Variants in SUSD4 observed in about 807,000 individuals in gnomAD.
SUSD4 encodes the protein sushi domain-containing protein 4.
A neutral mutation model predicts 50.5 loss-of-function variants in SUSD4; 41 were observed. That is an observed-to-expected ratio of 0.81 (90% CI 0.63 to 1.05). The LOEUF (loss-of-function observed/expected upper bound fraction) is 1.05, where lower values mean the gene tolerates loss of function less well. Ranked by LOEUF, SUSD4 falls within the 50% of genes least tolerant of loss-of-function variation. The pLI is 0.00. For missense variants in SUSD4, 580 were observed against 634.7 expected, an observed-to-expected ratio of 0.91 and a Z score of 0.93; for synonymous variants, 257 against 257.3, an observed-to-expected ratio of 1.00 and a Z score of 0.01.
At chr1:223,276,988 TA>T (rs1401257185) in intron 3 of SUSD4, among the ~76,000 whole-genome samples, 5 of 152,194 alleles carry the variant, frequency 3.3e-5, no homozygotes, top group Non-Finnish European at 7.4e-5. Context: ...ACAGCTCACT[TA>T]ACATATAAGT....
At chr1:223,292,187 G>A (rs1267487478) in intron 3 of SUSD4, among the ~76,000 whole-genome samples, 1 of 152,178 alleles carries the variant, frequency 6.6e-6, no homozygotes, top group Non-Finnish European at 1.5e-5. Context: ...TTGCTCTCCT[G>A]CATTGACAAA....
chr1:223,355,755 T>C (rs565110782), intron 2 of SUSD4, among the ~76,000 whole-genome samples: 1 of 152,316 alleles, frequency 6.6e-6, no homozygotes, highest in South Asian at 2.1e-4. Flanking sequence ...ATAACCGGGT[T>C]ACACCTTCAT....
At position 223,229,412 on chromosome 1, in the gene SUSD4, A is replaced by T. The variant is rs1422128040; in HGVS notation, c.725-24T>A. The T allele has an allele frequency of 6.4e-7, 1 of 1,566,638 alleles. No individual in the cohort carries two copies. Among genetic ancestry groups the T allele is most frequent in the East Asian group, 2.3e-5 (1 of 43,788 alleles). ...GACTTGGGCAGTAGGGGAGAATAAA[A>T]GTTTCAGAACCACAAGCTCACCTTT... On this transcript the variant is annotated intron_variant, in intron 5 of 8. Coordinates refer to ENST00000366878, the MANE Select transcript of SUSD4 (RefSeq NM_017982.4). The surrounding 1 kb of genome is among the most constrained non-coding windows in gnomAD (Gnocchi z 4.7).
chr1:223,359,873 A>G (rs1055643125), intron 2 of SUSD4, among the ~76,000 whole-genome samples: 6 of 152,220 alleles, frequency 3.9e-5, no homozygotes, highest in Non-Finnish European at 8.8e-5. Context: ...TTTAGGAAAA[A>G]AATGAGTAAG....
intron 3 of SUSD4, among the ~76,000 whole-genome samples, chr1:223,276,185 G>A (rs1663254916): frequency 6.6e-6 from 1 of 152,210 alleles, no homozygotes; most frequent in African/African-American, 2.4e-5. Context: ...CTGCTTTCTG[G>A]GGAAATCCCC....
intron 3 of SUSD4, among the ~76,000 whole-genome samples, chr1:223,291,217 G>C (rs1664466438): frequency 6.6e-6 from 1 of 152,076 alleles, no homozygotes; most frequent in South Asian, 2.1e-4. Context: ...TCACGGCCGG[G>C]TGCCGTGGCT....
At chr1:223,269,786 T>C (rs1388621752) in intron 3 of SUSD4, among the ~76,000 whole-genome samples, 6 of 150,688 alleles carry the variant, frequency 4.0e-5, no homozygotes, top group Non-Finnish European at 5.9e-5. Flanking sequence ...TAAAAGATTG[T>C]AGGTCTCTTA....
rs188271168 is a variant in SUSD4 at position 223,253,283 on chromosome 1, A to G, written c.724+11347T>C. Reference sequence around the variant, plus strand: ...GAGGATGTGGGCACAGTTCGGAGTCAGGCATTATCTTTTTACAGAACGCAA... The same window carrying G: ...GAGGATGTGGGCACAGTTCGGAGTCGGGCATTATCTTTTTACAGAACGCAA... On this transcript the variant is annotated intron_variant, in intron 5 of 8. Transcript: ENST00000366878. 3.6e-3 allele frequency among the ~76,000 whole-genome samples: 552 copies of G among 152,098 alleles called. 3 individuals are homozygous for G. The highest frequency in any genetic ancestry group is 6.7e-3 in the Non-Finnish European group (456 of 67,996).
intron 2 of SUSD4, among the ~76,000 whole-genome samples, chr1:223,336,555 C>A (rs1233249416): frequency 6.6e-6 from 1 of 152,138 alleles, no homozygotes; most frequent in African/African-American, 2.4e-5. Context: ...AAATCTTTGT[C>A]CAGAGGTCAT....
At position 223,350,321 on chromosome 1, in the gene SUSD4, A is replaced by G. The variant is rs111941553; in HGVS notation, c.148+12957T>C. Among the ~76,000 whole-genome samples, 1,208 of 152,340 alleles carry G rather than the reference A, an allele frequency of 7.9e-3. 16 individuals are homozygous for G. Among genetic ancestry groups the G allele is most frequent in the African/African-American group, 0.027 (1,136 of 41,572 alleles). On this transcript the variant is annotated intron_variant, in intron 2 of 8. Coordinates refer to ENST00000366878, the MANE Select transcript of SUSD4 (RefSeq NM_017982.4). ...AGCCCTTGAACATAGTTAAGCGCTC[A>G]ATAAATTATTGTTGAACAAATGTAA...
intron 3 of SUSD4, among the ~76,000 whole-genome samples, chr1:223,290,379 C>T (rs776790069): frequency 3.4e-4 from 51 of 152,224 alleles, no homozygotes; most frequent in Non-Finnish European, 7.2e-4. Context: ...ACTTTCTCTA[C>T]TATCAGGGCA....
At position 223,227,765 on chromosome 1, in the gene SUSD4, G is replaced by T. The variant is rs763833870; in HGVS notation, c.917-27C>A. ...TGCATGAGGGAGAACAAAGCTGTAC[G>T]TGAGGCTCCCAGACCATGAGAGGTG... On this transcript the variant is annotated intron_variant, in intron 6 of 8. Coordinates refer to ENST00000366878, the MANE Select transcript of SUSD4 (RefSeq NM_017982.4). This position sits in a 1 kb window ranked among gnomAD's most constrained non-coding sequence, Gnocchi z 4.5. 1.3e-6 allele frequency: 2 copies of T among 1,588,020 alleles called. No individual in the cohort carries two copies. The highest frequency in any genetic ancestry group is 1.7e-6 in the Non-Finnish European group (2 of 1,163,496).
chr1:223,271,592 G>GT (rs141297399), intron 3 of SUSD4, among the ~76,000 whole-genome samples: 42,797 of 152,002 alleles, frequency 0.28, 7,407 homozygotes, highest in Non-Finnish European at 0.4. Flanking sequence ...AGGCCAGGAG[G>GT]GGCAGTGCCC....
chr1:223,259,006 G>T (rs1661901677), intron 5 of SUSD4, among the ~76,000 whole-genome samples: 1 of 152,170 alleles, frequency 6.6e-6, no homozygotes, highest in Non-Finnish European at 1.5e-5. Context: ...GGAGGCCCTG[G>T]ATAACTTACA....
At position 223,349,441 on chromosome 1, in the gene SUSD4, G is replaced by A. The variant is rs191025782; in HGVS notation, c.148+13837C>T. ...GCAGCTGTAATCGAATAATGTGAGT[G>A]TCTAGCAGTAGTTTGATTAGATTAG... On this transcript the variant is annotated intron_variant, in intron 2 of 8. Coordinates refer to ENST00000366878, the MANE Select transcript of SUSD4 (RefSeq NM_017982.4). 2.0e-5 allele frequency among the ~76,000 whole-genome samples: 3 copies of A among 152,272 alleles called. No individual in the cohort carries two copies. The East Asian group carries it at 5.8e-4, about 29-fold the overall frequency.
At chr1:223,242,956 C>T (rs1660684019) in intron 5 of SUSD4, among the ~76,000 whole-genome samples, 1 of 152,194 alleles carries the variant, frequency 6.6e-6, no homozygotes, top group African/African-American at 2.4e-5. Context: ...AAAGTGTCTA[C>T]CCTGCTGCTT....
chr1:223,224,660 C>T (rs1659378415), intron 7 of SUSD4, among the ~76,000 whole-genome samples: 1 of 152,094 alleles, frequency 6.6e-6, no homozygotes, highest in South Asian at 2.1e-4. Context: ...TGCATGTCTG[C>T]AGGGCTCCCT....
chr1:223,326,914 C>T (rs1181995202), intron 2 of SUSD4, among the ~76,000 whole-genome samples: 5 of 152,110 alleles, frequency 3.3e-5, no homozygotes, highest in Non-Finnish European at 7.4e-5. Flanking sequence ...CTAGTATAAC[C>T]TCTATGGAAA....
At chr1:223,362,122 C>T (rs1416967960) in intron 2 of SUSD4, among the ~76,000 whole-genome samples, 1 of 152,206 alleles carries the variant, frequency 6.6e-6, no homozygotes, top group African/African-American at 2.4e-5. Context: ...TAGATATGCA[C>T]ATTGCAATAA....
Sources: allele counts gnomAD v4.1 joint callset (sites outside exome capture counted in the v4.1 genomes callset), GRCh38; gene constraint gnomAD v4.1.1; non-coding constraint Gnocchi (gnomAD v3.1); transcripts MANE v1.5; gene names NCBI Gene and HGNC (gene_info 2026-07-23, HGNC 2026-07-21).